The following CCDC178 variants were observed in gnomAD, a reference collection of about 807,000 sequenced individuals.
The protein encoded by CCDC178 is coiled-coil domain containing 178.
Under a neutral mutation model 117.4 loss-of-function variants are expected in CCDC178, and 126 were observed. The observed-to-expected ratio is 1.07, with a 90% CI of 0.93 to 1.24. CCDC178 has a LOEUF of 1.24. Among genes scored for constraint, CCDC178 ranks in the 50% most tolerant of loss-of-function variants. The pLI is 0.00. For synonymous variants in CCDC178, 283 were observed against 313.4 expected, an observed-to-expected ratio of 0.90 and a Z score of 1.02; for missense variants, 1,030 against 986.9, an observed-to-expected ratio of 1.04 and a Z score of -0.59.
At chr18:33,229,274 T>G (rs1412279519) in intron 15 of CCDC178, among the ~76,000 whole-genome samples, 1 of 152,162 alleles carries the variant, frequency 6.6e-6, no homozygotes, top group Non-Finnish European at 1.5e-5. Context: ...AGGCTATCAT[T>G]CTATTTTTAT....
chr18:33,201,585 G>T (rs1405341940), intron 20 of CCDC178, among the ~76,000 whole-genome samples: 5 of 152,156 alleles, frequency 3.3e-5, no homozygotes, highest in African/African-American at 1.2e-4. Flanking sequence ...CAGAGGCGGG[G>T]CTTCAGTTGG....
chr18:33,419,643 C>CA (rs1369753695), intron 2 of CCDC178, among the ~76,000 whole-genome samples: 2 of 151,530 alleles, frequency 1.3e-5, no homozygotes, highest in African/African-American at 2.4e-5. Context: ...GTAGACTTTT[C>CA]AAAAAAAAGA....
At chr18:33,069,764 T>G (rs761177009) in intron 21 of CCDC178, among the ~76,000 whole-genome samples, 7 of 151,984 alleles carry the variant, frequency 4.6e-5, no homozygotes, top group Non-Finnish European at 8.8e-5. Context: ...GGAGAAAATG[T>G]TTGCAAACTA....
chr18:33,242,086 G>A (rs1020813409), intron 15 of CCDC178, among the ~76,000 whole-genome samples: 1 of 151,790 alleles, frequency 6.6e-6, no homozygotes, highest in Non-Finnish European at 1.5e-5. Flanking sequence ...CAGTTAAACA[G>A]AACAGAAAAT....
At chr18:33,324,013 G>A (rs1210080576) in intron 10 of CCDC178, among the ~76,000 whole-genome samples, 1 of 151,802 alleles carries the variant, frequency 6.6e-6, no homozygotes. Flanking sequence ...TTAGGTTGGT[G>A]CAAAAGTAAT....
chr18:33,323,614 T>C lies in CCDC178; in HGVS notation c.899A>G (p.Lys300Arg). Reference sequence around the variant, plus strand: ...AGCTTCTTCAAGTTCTTCATTAACTTTTCTGTGTAGGTCCATTACCTAGAA... The same window carrying C: ...AGCTTCTTCAAGTTCTTCATTAACTCTTCTGTGTAGGTCCATTACCTAGAA... ...KKMEVMDLHR[K>R]VNEELEEALE... The change falls in exon 11 of 23, where the codon AAA becomes AGA. Residue 300 changes from lysine to arginine, a missense_variant. Coordinates refer to ENST00000383096, the MANE Select transcript of CCDC178 (RefSeq NM_001105528.4). The C allele has an allele frequency of 6.5e-7, 1 of 1,541,446 alleles. No individual in the cohort carries two copies. The highest frequency in any genetic ancestry group is 8.7e-7 in the Non-Finnish European group (1 of 1,144,930).
chr18:33,275,416 A>G, intron 12 of CCDC178, among the ~76,000 whole-genome samples: 1 of 150,852 alleles, frequency 6.6e-6, no homozygotes. Context: ...ATTCATTTTA[A>G]TATTGTTTGC....
At position 33,211,125 on chromosome 18, in the gene CCDC178, C is replaced by T. The variant is rs79194423; in HGVS notation, c.2238+771G>A. Among the ~76,000 whole-genome samples the T allele has an allele frequency of 2.0e-3, 296 of 151,594 alleles. 4 individuals carry two copies. In the East Asian group the frequency reaches 0.035, roughly 18 times the overall value. ...ATATAAATATGAAGATCAAAAATAGCTCATATATTATGATACTACATATAC... is the reference window on the plus strand; with the variant it reads ...ATATAAATATGAAGATCAAAAATAGTTCATATATTATGATACTACATATAC... On this transcript the variant is annotated intron_variant, in intron 20 of 22. Transcript: ENST00000383096.
chr18:33,221,105 C>T (rs1000361970), intron 18 of CCDC178, among the ~76,000 whole-genome samples: 2 of 152,036 alleles, frequency 1.3e-5, no homozygotes, highest in East Asian at 1.9e-4. Flanking sequence ...GAAGTCTACT[C>T]CCTGTCCACA....
At chr18:33,058,790 A>G (rs570901009) in intron 21 of CCDC178, among the ~76,000 whole-genome samples, 16 of 152,050 alleles carry the variant, frequency 1.1e-4, no homozygotes, top group African/African-American at 3.4e-4. Flanking sequence ...ATACTTAAAT[A>G]TAGATGTTTA....
intron 21 of CCDC178, among the ~76,000 whole-genome samples, chr18:33,082,416 G>A (rs1326596469): frequency 1.3e-5 from 2 of 152,180 alleles, no homozygotes; most frequent in African/African-American, 4.8e-5. Flanking sequence ...AGGTTGCAGT[G>A]AGCCGAGATC....
intron 3 of CCDC178, among the ~76,000 whole-genome samples, chr18:33,410,145 G>A (rs1390552323): frequency 5.3e-5 from 8 of 152,106 alleles, no homozygotes; most frequent in Non-Finnish European, 2.9e-5. Flanking sequence ...ATTTAGAATA[G>A]GCTTTGTCAA....
At chr18:33,403,904 G>A (rs992093930) in intron 3 of CCDC178, among the ~76,000 whole-genome samples, 6 of 152,154 alleles carry the variant, frequency 3.9e-5, no homozygotes, top group Admixed American at 6.6e-5. Context: ...GTTGAAATTT[G>A]AGGAATACTC....
intron 4 of CCDC178, 87 bp from the exon 5 acceptor site, chr18:33,389,716 T>C (rs1234421720): frequency 1.9e-6 from 1 of 518,746 alleles, no homozygotes; most frequent in African/African-American, 2.0e-5. Flanking sequence ...AAAAACTACG[T>C]TAGAGAAGTG....
intron 11 of CCDC178, among the ~76,000 whole-genome samples, chr18:33,306,199 C>CA (rs2062245507): frequency 1.6e-4 from 4 of 25,466 alleles, no homozygotes; most frequent in African/African-American, 3.5e-4. Context: ...GGTAAAAGAG[C>CA]CTTTTCAAAA....
intron 20 of CCDC178, among the ~76,000 whole-genome samples, chr18:33,161,829 T>C (rs1215591889): frequency 6.6e-6 from 1 of 152,162 alleles, no homozygotes; most frequent in Non-Finnish European, 1.5e-5. Context: ...TGTTGGACAT[T>C]TGGGTTGGTT....
At chr18:32,958,145 A>ACAT (rs1568180939) in intron 22 of CCDC178, 1 of 509,006 alleles carries the variant, frequency 2.0e-6, no homozygotes, top group Non-Finnish European at 3.6e-6. Flanking sequence ...TAAAACACAG[A>ACAT]CATTACGTTT....
intron 21 of CCDC178, among the ~76,000 whole-genome samples, chr18:33,066,492 C>T (rs563129479): frequency 6.6e-6 from 1 of 152,034 alleles, no homozygotes; most frequent in Non-Finnish European, 1.5e-5. Flanking sequence ...GCAATAAGTC[C>T]CCATGTATCA....
At chr18:33,305,789 C>T (rs1389523209) in intron 11 of CCDC178, among the ~76,000 whole-genome samples, 1 of 152,116 alleles carries the variant, frequency 6.6e-6, no homozygotes, top group African/African-American at 2.4e-5. Flanking sequence ...GACAAAGTGG[C>T]CTTGGCTTCT....
Sources: allele counts gnomAD v4.1 joint callset (sites outside exome capture counted in the v4.1 genomes callset), GRCh38; gene constraint gnomAD v4.1.1; transcripts MANE v1.5; gene names NCBI Gene and HGNC (gene_info 2026-07-23, HGNC 2026-07-21).